The following PSORS1C1 variants were observed in gnomAD, a reference collection of about 807,000 sequenced individuals.
The protein encoded by PSORS1C1 is psoriasis susceptibility 1 candidate gene 1 protein.
In PSORS1C1, 7 loss-of-function variants were observed where a neutral mutation model predicts 9.4. That is an observed-to-expected ratio of 0.75 (90% CI 0.42 to 1.40). The LOEUF is 1.40. PSORS1C1 is among the 40% of genes most tolerant of loss of function. The pLI is 0.01. For missense variants in PSORS1C1, 146 were observed against 178.1 expected, an observed-to-expected ratio of 0.82 and a Z score of 1.02; for synonymous variants, 63 against 69.4, an observed-to-expected ratio of 0.91 and a Z score of 0.46.
rs1388766425 is a variant in PSORS1C1 at position 31,138,245 on chromosome 6, G to A, written c.14-185G>A. ...GGGGGCCCTGAGGCAATGTTGGGGA[G>A]CCTGCCTCCTCTCGGTCCTCTGCGG... On this transcript the variant is annotated intron_variant, in intron 3 of 5. Transcript: ENST00000259881. 9.6e-6 allele frequency: 15 copies of A among 1,567,864 alleles called. 1 individual carries two copies. Among genetic ancestry groups the A allele is most frequent in the Non-Finnish European group, 1.3e-5 (15 of 1,158,208 alleles).
rs1407894076 is a variant in PSORS1C1 at position 31,139,887 on chromosome 6, G to T, written c.414G>T (p.Ser138=). 1 of 1,612,738 alleles carries T rather than the reference G, an allele frequency of 6.2e-7. No homozygotes were observed. Among genetic ancestry groups the T allele is most frequent in the African/African-American group, 1.3e-5 (1 of 74,836 alleles). ...CCTTGGCTCCAACTCTATTGTACTC[G>T]TCTCCTCCCTCCCATTCTCCTTTTG... is the stretch of plus-strand genomic sequence containing the variant. ...SRTLAPTLLY[S]SPPSHSPFGL... Residue 138 remains serine (S), a synonymous_variant, in exon 6 of 6, where the codon TCG becomes TCT. Transcript: ENST00000259881. This position sits in a 1 kb window ranked among gnomAD's most constrained non-coding sequence, Gnocchi z 5.2.
intron 3 of PSORS1C1, chr6:31,138,056 C>T (rs768145430): frequency 1.3e-6 from 2 of 1,536,640 alleles, no homozygotes; most frequent in African/African-American, 1.4e-5. Context: ...GGGGTCCTGC[C>T]GGCCAAGGGT....
chr6:31,118,542 C>G (rs1337222107), intron 1 of PSORS1C1: 1 of 152,646 alleles, frequency 6.6e-6, no homozygotes, highest in Non-Finnish European at 1.5e-5. Flanking sequence ...CTTCTGCTGC[C>G]TTGACTTCCC....
chr6:31,117,082 G>T (rs1380643229), intron 1 of PSORS1C1: 5 of 1,614,216 alleles, frequency 3.1e-6, no homozygotes, highest in Non-Finnish European at 4.2e-6. Context: ...GTTGTCATTG[G>T]TTGGCAGAGC....
intron 3 of PSORS1C1, among the ~76,000 whole-genome samples, chr6:31,134,708 C>T (rs1301240502): frequency 6.6e-6 from 1 of 152,228 alleles, no homozygotes; most frequent in Non-Finnish European, 1.5e-5. Context: ...CCCTCTTCAT[C>T]CCTAACCCTG....
In PSORS1C1 at chr6:31,117,786, G is replaced by A. The variant is rs3130986; in HGVS notation, c.-229+2895G>A. On this transcript the variant is annotated intron_variant, in intron 1 of 5. Transcript: ENST00000259881. ...AGAAAATTAGGTGCCAAAGTGAGTG[G>A]CCTCAAAGGAATACATTGAATATAA... 0.56 allele frequency: 293,320 copies of A among 525,168 alleles called. 84,039 individuals are homozygous for A. Among genetic ancestry groups the A allele is most frequent in the East Asian group, 0.69 (19,868 of 29,004 alleles). 32.5% of individuals were successfully genotyped at this position (525,168 alleles called of 1,614,324 possible).
At chr6:31,138,366 C>A in intron 3 of PSORS1C1, 64 bp from the exon 4 acceptor site, 1 of 1,588,098 alleles carries the variant, frequency 6.3e-7, no homozygotes. Flanking sequence ...CAGCCCCACC[C>A]AGCCCCAGCC....
intron 1 of PSORS1C1, among the ~76,000 whole-genome samples, chr6:31,119,139 C>T (rs1325857096): frequency 2.6e-5 from 4 of 152,032 alleles, no homozygotes; most frequent in Admixed American, 6.6e-5. Context: ...CTATCATGTG[C>T]GGCCAGATGT....
intron 2 of PSORS1C1, among the ~76,000 whole-genome samples, chr6:31,127,561 A>T (rs1772733243): frequency 7.1e-6 from 1 of 141,590 alleles, no homozygotes; most frequent in Non-Finnish European, 1.5e-5. Flanking sequence ...AGGAGACAGG[A>T]ATTATTATTA....
chr6:31,137,486 A>G (rs977306245), intron 3 of PSORS1C1: 1 of 160,958 alleles, frequency 6.2e-6, no homozygotes, highest in African/African-American at 2.4e-5. Flanking sequence ...ATAAAAATAA[A>G]TAAAAAAGAC....
chr6:31,127,211 G>C (rs1433403994), intron 2 of PSORS1C1, among the ~76,000 whole-genome samples: 1 of 152,136 alleles, frequency 6.6e-6, no homozygotes. Flanking sequence ...TCTAGGCTGG[G>C]CTGGCCCTTG....
intron 3 of PSORS1C1, among the ~76,000 whole-genome samples, chr6:31,136,448 G>A (rs1213418532): frequency 6.6e-6 from 1 of 151,790 alleles, no homozygotes; most frequent in Non-Finnish European, 1.5e-5. Flanking sequence ...GGGAAAGGTT[G>A]ATTTGTTTCC....
chr6:31,124,033 G>T (rs1347009764), intron 1 of PSORS1C1, among the ~76,000 whole-genome samples: 1 of 152,324 alleles, frequency 6.6e-6, no homozygotes, highest in African/African-American at 2.4e-5. Flanking sequence ...GTTGGTGTGG[G>T]ACATGCATGT....
intron 1 of PSORS1C1, chr6:31,116,142 A>G: frequency 6.2e-7 from 1 of 1,611,116 alleles, no homozygotes. Context: ...GGATCTTTCC[A>G]GCACTGCTGG....
chr6:31,137,985 G>A, intron 3 of PSORS1C1: 1 of 1,512,906 alleles, frequency 6.6e-7, no homozygotes, highest in Non-Finnish European at 8.8e-7. Flanking sequence ...GTCTAGGTCT[G>A]GCTCCTCCTG....
rs1226401150 is a variant in PSORS1C1 at position 31,139,275 on chromosome 6, T to A, written c.168-366T>A. 1.0e-5 allele frequency: 6 copies of A among 581,250 alleles called. No homozygotes were observed. Among genetic ancestry groups the A allele is most frequent in the Non-Finnish European group, 9.2e-6 (3 of 326,886 alleles). The allele number at this position is 581,250 out of a possible 1,614,324, so 36.0% of individuals were successfully genotyped here. Reference sequence around the variant, plus strand: ...TCCCTATCATGACCCAGAGCCTGCGTCACCCCACCCTGGTTTTCACACCCT... The same window carrying A: ...TCCCTATCATGACCCAGAGCCTGCGACACCCCACCCTGGTTTTCACACCCT... On this transcript the variant is annotated intron_variant, in intron 5 of 5. Coordinates refer to ENST00000259881, the MANE Select transcript of PSORS1C1 (RefSeq NM_014068.3). The surrounding 1 kb of genome is among the most constrained non-coding windows in gnomAD (Gnocchi z 5.2).
At chr6:31,123,073 T>C (rs1772534404) in intron 1 of PSORS1C1, among the ~76,000 whole-genome samples, 1 of 152,232 alleles carries the variant, frequency 6.6e-6, no homozygotes, top group African/African-American at 2.4e-5. Context: ...ACATTCCTCC[T>C]GGCTGCCGTC....
At chr6:31,132,980 G>A (rs537294861) in intron 3 of PSORS1C1, among the ~76,000 whole-genome samples, 20 of 151,752 alleles carry the variant, frequency 1.3e-4, no homozygotes, top group Non-Finnish European at 2.7e-4. Flanking sequence ...TTTGTCCACC[G>A]TTGGTTAAGG....
chr6:31,139,930 T>C lies in PSORS1C1; in HGVS notation c.457T>C (p.Ter153GlnextTer7). ...TCCTTTTGGTCTCAGCTCCTTGATC[T>C]AAGCCTCCCAGAGAGACCCCTAGAA... Reference protein sequence around the residue: ...HSPFGLSSLI* With the variant: ...HSPFGLSSLIQ Residue 153 changes from the stop codon to glutamine (Q), a stop_lost, in exon 6 of 6, where the codon TAA becomes CAA. Transcript: ENST00000259881. The surrounding 1 kb of genome is among the most constrained non-coding windows in gnomAD (Gnocchi z 5.2). 6.2e-7 allele frequency: 1 copy of C among 1,609,134 alleles called. No homozygotes were observed.
Sources: allele counts gnomAD v4.1 joint callset (sites outside exome capture counted in the v4.1 genomes callset), GRCh38; gene constraint gnomAD v4.1.1; non-coding constraint Gnocchi (gnomAD v3.1); transcripts MANE v1.5; gene names NCBI Gene and HGNC (gene_info 2026-07-23, HGNC 2026-07-21).